NCOR1: variants seen among roughly 807,000 people sequenced by gnomAD.
NCOR1 encodes nuclear receptor corepressor 1.
In NCOR1, 63 loss-of-function variants were observed where a neutral mutation model predicts 288.1. That is an observed-to-expected ratio of 0.22 (90% CI 0.18 to 0.27). The LOEUF (loss-of-function observed/expected upper bound fraction) is 0.27, where lower values mean the gene tolerates loss of function less well. NCOR1 is among the 10% of genes least tolerant of loss of function. The pLI is 1.00. For missense variants in NCOR1, 2,397 were observed against 3,019.2 expected, an observed-to-expected ratio of 0.79 and a Z score of 4.83; for synonymous variants, 1,007 against 1,065.9, an observed-to-expected ratio of 0.94 and a Z score of 1.08.
At chr17:16,033,063 A>C (rs1490114943) in intron 45 of NCOR1, among the ~76,000 whole-genome samples, 1 of 152,160 alleles carries the variant, frequency 6.6e-6, no homozygotes, top group Non-Finnish European at 1.5e-5. Flanking sequence ...ACGCAAAAAC[A>C]GGCTGGGCGC....
intron 14 of NCOR1, among the ~76,000 whole-genome samples, chr17:16,130,743 G>A (rs1479906517): frequency 6.6e-6 from 1 of 152,098 alleles, no homozygotes; most frequent in Non-Finnish European, 1.5e-5. Context: ...GAGTACAGCG[G>A]CGCAATCTTG....
chr17:16,192,521 C>T (rs1010257549), intron 2 of NCOR1, among the ~76,000 whole-genome samples: 1 of 151,960 alleles, frequency 6.6e-6, no homozygotes, highest in South Asian at 2.1e-4. Context: ...CTGGGTGTGG[C>T]GGCACACGCC....
intron 40 of NCOR1, among the ~76,000 whole-genome samples, chr17:16,056,419 C>T (rs2059936503): frequency 7.0e-6 from 1 of 141,894 alleles, no homozygotes; most frequent in South Asian, 2.2e-4. Flanking sequence ...TCAAGCGATT[C>T]TTCTGCCTCA....
At chr17:16,066,243 A>G (rs780194022) in intron 32 of NCOR1, among the ~76,000 whole-genome samples, 3 of 152,122 alleles carry the variant, frequency 2.0e-5, no homozygotes, top group Non-Finnish European at 2.9e-5. Flanking sequence ...CAGCTACTCA[A>G]CTCTGTCACT....
chr17:16,044,168 C>CAAAAAAAAAAAAAA (rs34691717), intron 42 of NCOR1, among the ~76,000 whole-genome samples: 8 of 82,762 alleles, frequency 9.7e-5, no homozygotes, highest in East Asian at 4.3e-4. Context: ...GACTCCATCT[C>CAAAAAAAAAAAAAA]AAAAAAAAAA....
chr17:16,106,737 G>C (rs2068716681), intron 19 of NCOR1, among the ~76,000 whole-genome samples: 1 of 151,184 alleles, frequency 6.6e-6, no homozygotes, highest in Non-Finnish European at 1.5e-5. Flanking sequence ...TCCAAATGAA[G>C]CTAAGTCAAC....
intron 9 of NCOR1, among the ~76,000 whole-genome samples, chr17:16,146,866 G>A (rs540896301): frequency 3.9e-5 from 6 of 151,994 alleles, no homozygotes; most frequent in Non-Finnish European, 8.8e-5. Context: ...TGTCATTGTT[G>A]TCCCAAAAAA....
In NCOR1 at chr17:16,108,777, T is replaced by C. The variant is rs564249196; in HGVS notation, c.2182+9A>G. 3.8e-6 allele frequency: 6 copies of C among 1,580,428 alleles called. No homozygotes were observed. The highest frequency in any genetic ancestry group is 4.3e-6 in the Non-Finnish European group (5 of 1,165,380). ...AGATGTCACAACTAAATTTAAAATTTTGAGATACCTTCGCTGTCTTCTGGA... is the reference window on the plus strand; with the variant it reads ...AGATGTCACAACTAAATTTAAAATTCTGAGATACCTTCGCTGTCTTCTGGA... On this transcript the variant is annotated intron_variant, in intron 19 of 45. Coordinates refer to ENST00000268712, the MANE Select transcript of NCOR1 (RefSeq NM_006311.4).
chr17:16,083,419 C>T (rs2152838477), intron 23 of NCOR1, among the ~76,000 whole-genome samples: 1 of 150,348 alleles, frequency 6.7e-6, no homozygotes. Flanking sequence ...TCAAACAAAA[C>T]ACATACAAAT....
chr17:16,187,851 G>A lies in NCOR1; in HGVS notation c.109-1164C>T, dbSNP rs528483416. 2.0e-5 allele frequency among the ~76,000 whole-genome samples: 3 copies of A among 150,692 alleles called. No homozygotes were observed. In the South Asian group the frequency reaches 6.3e-4, roughly 32 times the overall value. Reference sequence around the variant, plus strand: ...AGAGTTAGAGGCTGCAGTGAGCTCTGATTGTGCCACTGCACTCCAGCCTGG... The same window carrying A: ...AGAGTTAGAGGCTGCAGTGAGCTCTAATTGTGCCACTGCACTCCAGCCTGG... On this transcript the variant is annotated intron_variant, in intron 2 of 45. Coordinates refer to ENST00000268712, the MANE Select transcript of NCOR1 (RefSeq NM_006311.4).
In NCOR1 at chr17:16,151,996, T is replaced by C; in HGVS notation, c.792A>G (p.Pro264=). 2 of 1,584,404 alleles carry C rather than the reference T, an allele frequency of 1.3e-6. No individual in the cohort carries two copies. The highest frequency in any genetic ancestry group is 1.7e-6 in the Non-Finnish European group (2 of 1,164,146). Residue 264 remains proline (P), a splice_region_variant and synonymous_variant, in exon 8 of 46, where the codon CCA becomes CCG. Transcript: ENST00000268712. The part of the protein sequence containing the change: ...FEGLGPKVEL[P]LYNQPSDTKV... ...TGGTATCTGATGGCTGGTTATACAG[T>C]GGCTATAAAAGAAATCAAATATTTA... is the stretch of plus-strand genomic sequence containing the variant.
intron 26 of NCOR1, among the ~76,000 whole-genome samples, chr17:16,079,167 G>A (rs532644080): frequency 2.6e-5 from 4 of 152,262 alleles, no homozygotes; most frequent in African/African-American, 9.6e-5. Flanking sequence ...CACCAACAAG[G>A]GTTGGGTTTC....
At chr17:16,075,399 C>A (rs889627727) in intron 27 of NCOR1, 135 bp downstream of exon 27, 3 of 925,828 alleles carry the variant, frequency 3.2e-6, no homozygotes, top group African/African-American at 3.3e-5. Flanking sequence ...GTATTACTAA[C>A]CCCATTTACT....
intron 32 of NCOR1, 68 bp from the exon 33 acceptor site, chr17:16,065,762 G>C (rs149360424): frequency 3.3e-5 from 45 of 1,361,682 alleles, no homozygotes; most frequent in Non-Finnish European, 4.3e-5. Context: ...TAAACACCAC[G>C]TACAAAAGAG....
chr17:16,145,752 G>A (rs904289902), intron 10 of NCOR1, among the ~76,000 whole-genome samples: 1 of 152,050 alleles, frequency 6.6e-6, no homozygotes, highest in Middle Eastern at 3.2e-3. Context: ...CCCCATCCGG[G>A]GGGTGGGGCG....
At chr17:16,089,810 T>C (rs2064885096) in intron 22 of NCOR1, among the ~76,000 whole-genome samples, 1 of 152,158 alleles carries the variant, frequency 6.6e-6, no homozygotes, top group South Asian at 2.1e-4. Context: ...TCCTATACAC[T>C]GAACTACAGG....
intron 1 of NCOR1, among the ~76,000 whole-genome samples, chr17:16,207,201 T>C (rs2091615166): frequency 6.6e-6 from 1 of 152,200 alleles, no homozygotes; most frequent in African/African-American, 2.4e-5. Context: ...TTAAACATCT[T>C]TGAACAGAAA....
At chr17:16,171,661 G>A in intron 4 of NCOR1, 142 bp downstream of exon 4, 1 of 710,130 alleles carries the variant, frequency 1.4e-6, no homozygotes, top group Non-Finnish European at 2.0e-6. Context: ...TTCTAGTTTT[G>A]TTTAACAAAA....
At chr17:16,065,890 G>A in intron 32 of NCOR1, 196 bp from the exon 33 acceptor site, 1 of 578,958 alleles carries the variant, frequency 1.7e-6, no homozygotes, top group Non-Finnish European at 3.1e-6. Context: ...TGTCTAAGAT[G>A]TAATGGAAAA....
Sources: allele counts gnomAD v4.1 joint callset (sites outside exome capture counted in the v4.1 genomes callset), GRCh38; gene constraint gnomAD v4.1.1; transcripts MANE v1.5; gene names NCBI Gene and HGNC (gene_info 2026-07-23, HGNC 2026-07-21).